The following SLC24A2 variants were observed in gnomAD, a reference collection of about 807,000 sequenced individuals.
SLC24A2 encodes solute carrier family 24 member 2, also known as sodium/potassium/calcium exchanger 2.
In SLC24A2, 36 loss-of-function variants were observed where a neutral mutation model predicts 62.0. The observed-to-expected ratio is 0.58, with a 90% confidence interval of 0.44 to 0.77. The LOEUF (loss-of-function observed/expected upper bound fraction) is 0.77, where lower values mean the gene tolerates loss of function less well. SLC24A2 is among the 30% of genes least tolerant of loss of function. The pLI, the probability that SLC24A2 is intolerant of heterozygous loss-of-function variation, is 0.00. For missense variants in SLC24A2, 846 were observed against 817.9 expected (o/e 1.03, Z -0.42); for synonymous variants, 358 against 294.0 (o/e 1.22, Z -2.23).
chr9:19,881,681 T>C, the SLC24A2 span, among the ~76,000 whole-genome samples: 1 of 152,222 alleles, frequency 6.6e-6, no homozygotes, highest in Non-Finnish European at 1.5e-5. Flanking sequence ...TTGCCAGTAC[T>C]CTTTTAGTAG....
the SLC24A2 span, among the ~76,000 whole-genome samples, chr9:19,902,018 G>A: frequency 6.6e-6 from 1 of 152,190 alleles, no homozygotes; most frequent in African/African-American, 2.4e-5. Context: ...TTAGAGCATA[G>A]TTCATTCTTT....
the SLC24A2 span, among the ~76,000 whole-genome samples, chr9:20,214,912 G>A: frequency 6.6e-6 from 1 of 152,164 alleles, no homozygotes; most frequent in Non-Finnish European, 1.5e-5. Flanking sequence ...TTACCGTACA[G>A]TCTCACTTAT....
the SLC24A2 span, among the ~76,000 whole-genome samples, chr9:20,232,920 G>A: frequency 1.3e-5 from 2 of 152,128 alleles, no homozygotes; most frequent in East Asian, 3.9e-4. Flanking sequence ...ATTCTGGTAT[G>A]TGGTGTCTTT....
chr9:20,027,117 C>G, the SLC24A2 span, among the ~76,000 whole-genome samples: 1 of 151,898 alleles, frequency 6.6e-6, no homozygotes, highest in African/African-American at 2.4e-5. Flanking sequence ...CCGCAATGAG[C>G]TATTATCTCA....
the SLC24A2 span, among the ~76,000 whole-genome samples, chr9:19,820,686 G>A: frequency 3.3e-5 from 5 of 151,964 alleles, no homozygotes; most frequent in Admixed American, 3.3e-4. Context: ...GATTCTGTGT[G>A]TGTGTGTGTG....
At chr9:19,933,677 G>A in the SLC24A2 span, among the ~76,000 whole-genome samples, 3 of 152,144 alleles carry the variant, frequency 2.0e-5, no homozygotes, top group Non-Finnish European at 2.9e-5. Context: ...ATGCATCTTC[G>A]TAGCAGCATT....
At position 19,599,620 on chromosome 9, in the gene SLC24A2, G is replaced by A. The variant is rs1836792161; in HGVS notation, c.1079-2341C>T. Among the ~76,000 whole-genome samples, 1 of 152,190 alleles carries A rather than the reference G, an allele frequency of 6.6e-6. No individual in the cohort carries two copies. The highest frequency in any genetic ancestry group is 2.4e-5 in the African/African-American group (1 of 41,444). ...GTGAACTCAGCAGCAGCATCCTAAG[G>A]AGGATTGGGCAGCATCTCCAGGAGC... On this transcript the variant is annotated intron_variant, in intron 4 of 10. Transcript: ENST00000341998. This position sits in a 1 kb window ranked among gnomAD's most constrained non-coding sequence, Gnocchi z 4.5.
chr9:19,631,470 C>A (rs370569516), intron 2 of SLC24A2, among the ~76,000 whole-genome samples: 12 of 152,194 alleles, frequency 7.9e-5, no homozygotes, highest in African/African-American at 2.4e-4. Context: ...CATTTCACAA[C>A]GCTCCCAACT....
chr9:19,803,723 A>G, the SLC24A2 span, among the ~76,000 whole-genome samples: 3 of 152,168 alleles, frequency 2.0e-5, no homozygotes, highest in East Asian at 5.8e-4. Flanking sequence ...AAATTAGAGA[A>G]ATATTTGCAC....
chr9:20,077,837 C>T, the SLC24A2 span, among the ~76,000 whole-genome samples: 1 of 151,794 alleles, frequency 6.6e-6, no homozygotes, highest in Non-Finnish European at 1.5e-5. Flanking sequence ...AGATAACCCG[C>T]GATAGTGAAA....
chr9:20,252,552 C>T, the SLC24A2 span, among the ~76,000 whole-genome samples: 14 of 152,200 alleles, frequency 9.2e-5, no homozygotes, highest in Non-Finnish European at 1.3e-4. Flanking sequence ...AGTACACACA[C>T]ATCATGATCT....
the SLC24A2 span, among the ~76,000 whole-genome samples, chr9:19,835,884 C>G: frequency 6.6e-6 from 1 of 152,336 alleles, no homozygotes; most frequent in Admixed American, 6.5e-5. Flanking sequence ...GTCTCTTAGA[C>G]AACAGTGCAA....
the SLC24A2 span, among the ~76,000 whole-genome samples, chr9:20,058,915 G>C: frequency 6.6e-6 from 1 of 152,092 alleles, no homozygotes; most frequent in African/African-American, 2.4e-5. Context: ...ATGCTACTTT[G>C]ATACTGTGTT....
the SLC24A2 span, among the ~76,000 whole-genome samples, chr9:19,875,291 A>C: frequency 6.6e-6 from 1 of 152,114 alleles, no homozygotes; most frequent in Non-Finnish European, 1.5e-5. Context: ...TAACATTTTA[A>C]TTTTGCTCTC....
chr9:20,034,693 C>T, the SLC24A2 span, among the ~76,000 whole-genome samples: 5 of 152,080 alleles, frequency 3.3e-5, no homozygotes, highest in Non-Finnish European at 7.4e-5. Flanking sequence ...TGGTCTCGAT[C>T]TCCTGAACTC....
At chr9:19,815,826 T>A in the SLC24A2 span, among the ~76,000 whole-genome samples, 1 of 152,108 alleles carries the variant, frequency 6.6e-6, no homozygotes, top group Non-Finnish European at 1.5e-5. Context: ...GTTCATAACA[T>A]CACACTGGAT....
chr9:19,549,565 A>G (rs898318403), intron 8 of SLC24A2, among the ~76,000 whole-genome samples: 3 of 152,202 alleles, frequency 2.0e-5, no homozygotes, highest in Non-Finnish European at 2.9e-5. Flanking sequence ...TGAGGCTACC[A>G]TGCTGTGAGG....
chr9:20,229,070 A>ACC, the SLC24A2 span, among the ~76,000 whole-genome samples: 1 of 151,792 alleles, frequency 6.6e-6, no homozygotes, highest in South Asian at 2.1e-4. Flanking sequence ...CTGCCTTGTA[A>ACC]CCCCCAGAGT....
chr9:20,189,975 G>A, the SLC24A2 span, among the ~76,000 whole-genome samples: 9 of 152,194 alleles, frequency 5.9e-5, no homozygotes, highest in Non-Finnish European at 1.3e-4. Flanking sequence ...AAGACAGCCA[G>A]AGTGGGACTG....
Sources: allele counts gnomAD v4.1 joint callset (sites outside exome capture counted in the v4.1 genomes callset), GRCh38; gene constraint gnomAD v4.1.1; non-coding constraint Gnocchi (gnomAD v3.1); transcripts MANE v1.5; gene names NCBI Gene and HGNC (gene_info 2026-07-23, HGNC 2026-07-21).